DUSP29: variants seen among roughly 807,000 people sequenced by gnomAD.
DUSP29 encodes atypical dual-specific protein phosphatase.
Under a neutral mutation model 13.5 loss-of-function variants are expected in DUSP29, and 12 were observed. The observed-to-expected ratio is 0.89, with a 90% CI of 0.57 to 1.44. The LOEUF is 1.44. DUSP29 is among the 40% of genes most tolerant of loss of function. The probability of loss-of-function intolerance (pLI) is 0.00; values close to 1 mark genes in which losing one functional copy is unlikely to be tolerated. For missense variants in DUSP29, 308 were observed against 301.1 expected, an observed-to-expected ratio of 1.02 and a Z score of -0.17; for synonymous variants, 134 against 128.7, an observed-to-expected ratio of 1.04 and a Z score of -0.28.
At chr10:75,067,119 C>T (rs1206261250) in intron 1 of DUSP29, among the ~76,000 whole-genome samples, 1 of 151,702 alleles carries the variant, frequency 6.6e-6, no homozygotes, top group African/African-American at 2.4e-5. Flanking sequence ...GCCACCACAC[C>T]TGGCTAATTT....
chr10:75,064,758 C>T (rs933279806), intron 1 of DUSP29, among the ~76,000 whole-genome samples: 3 of 151,520 alleles, frequency 2.0e-5, no homozygotes, highest in Non-Finnish European at 4.4e-5. Context: ...TAATTTGACA[C>T]CATTATTTTA....
chr10:75,049,196 TA>T, intron 2 of DUSP29, among the ~76,000 whole-genome samples: 1 of 111,488 alleles, frequency 9.0e-6, no homozygotes, highest in Non-Finnish European at 1.6e-5. Context: ...ACTATGTAAA[TA>T]TAGCATGATT....
At chr10:75,060,138 C>A (rs1834976533) in intron 1 of DUSP29, among the ~76,000 whole-genome samples, 1 of 151,148 alleles carries the variant, frequency 6.6e-6, no homozygotes, top group African/African-American at 2.4e-5. Context: ...CCAGCCTGGG[C>A]AACAAGAGTG....
chr10:75,062,156 G>A (rs950618780), intron 1 of DUSP29, among the ~76,000 whole-genome samples: 31 of 152,324 alleles, frequency 2.0e-4, no homozygotes, highest in South Asian at 1.7e-3. Flanking sequence ...AAGAGCATAC[G>A]TAGTTATAGC....
At chr10:75,053,389 C>G (rs1194265289) in intron 2 of DUSP29, among the ~76,000 whole-genome samples, 2 of 152,198 alleles carry the variant, frequency 1.3e-5, no homozygotes, top group Non-Finnish European at 2.9e-5. Flanking sequence ...TTTCTCAGAT[C>G]CATAATAGCA....
chr10:75,065,801 C>G (rs1253690518), intron 1 of DUSP29, among the ~76,000 whole-genome samples: 2 of 152,276 alleles, frequency 1.3e-5, no homozygotes, highest in African/African-American at 4.8e-5. Flanking sequence ...AGGGATCCTC[C>G]CACCTCAGCC....
chr10:75,042,300 C>G (rs1846602667), intron 3 of DUSP29, among the ~76,000 whole-genome samples: 1 of 152,256 alleles, frequency 6.6e-6, no homozygotes, highest in African/African-American at 2.4e-5. Flanking sequence ...AGGCCCCTTC[C>G]ATGAAGGGTA....
At chr10:75,054,054 G>A (rs1461957073) in intron 2 of DUSP29, among the ~76,000 whole-genome samples, 1 of 152,184 alleles carries the variant, frequency 6.6e-6, no homozygotes, top group Non-Finnish European at 1.5e-5. Context: ...ATAATATACA[G>A]AGAAAAAGCT....
chr10:75,056,739 A>G (rs1846968628), intron 2 of DUSP29, among the ~76,000 whole-genome samples: 1 of 152,178 alleles, frequency 6.6e-6, no homozygotes. Flanking sequence ...CACACAAGGT[A>G]GTAGAAGTAT....
chr10:75,057,177 A>C (rs1281812530), intron 2 of DUSP29, among the ~76,000 whole-genome samples: 1 of 151,960 alleles, frequency 6.6e-6, no homozygotes, highest in Non-Finnish European at 1.5e-5. Context: ...TGGGAAGCTG[A>C]GACAGAGGAT....
intron 1 of DUSP29, among the ~76,000 whole-genome samples, chr10:75,072,889 T>C (rs1373523431): frequency 1.3e-5 from 2 of 151,868 alleles, no homozygotes; most frequent in Non-Finnish European, 2.9e-5. Context: ...CCGTCCCACT[T>C]CCTGCCCACA....
At chr10:75,069,217 C>T (rs1451643823) in intron 1 of DUSP29, among the ~76,000 whole-genome samples, 8 of 152,148 alleles carry the variant, frequency 5.3e-5, no homozygotes, top group South Asian at 2.1e-4. Flanking sequence ...GAGGGCCTCC[C>T]GGAAGCCCTG....
At chr10:75,065,711 G>A (rs1332925521) in intron 1 of DUSP29, among the ~76,000 whole-genome samples, 2 of 150,064 alleles carry the variant, frequency 1.3e-5, no homozygotes, top group Non-Finnish European at 3.0e-5. Flanking sequence ...TTTCCGTAGA[G>A]ACAGGGCCTC....
chr10:75,038,170 C>T (rs1351057418), intron 3 of DUSP29, 93 bp from the exon 4 acceptor site: 23 of 1,492,948 alleles, frequency 1.5e-5, no homozygotes, highest in Admixed American at 8.1e-5. Flanking sequence ...GTCACCCTCT[C>T]GCCCACAGAA....
chr10:75,043,518 G>A (rs946464505), intron 3 of DUSP29, among the ~76,000 whole-genome samples: 6 of 152,196 alleles, frequency 3.9e-5, no homozygotes, highest in African/African-American at 1.4e-4. Flanking sequence ...AGCACGCTGG[G>A]TGGTGCAGGT....
At chr10:75,040,615 A>C (rs1846560415) in intron 3 of DUSP29, among the ~76,000 whole-genome samples, 1 of 152,186 alleles carries the variant, frequency 6.6e-6, no homozygotes, top group Non-Finnish European at 1.5e-5. Flanking sequence ...CTTATACAGC[A>C]AAGTCACCAG....
In DUSP29 at chr10:75,037,611, C is replaced by T. The variant is rs993695364; in HGVS notation, c.*225G>A. Among the ~76,000 whole-genome samples, 13 of 152,136 alleles carry T rather than the reference C, an allele frequency of 8.5e-5. No homozygotes were observed. The highest frequency in any genetic ancestry group is 2.9e-4 in the African/African-American group (12 of 41,434). ...GGCATGCTCCTCTGTGACCCAGAGC[C>T]GGGGAGCCCGTCCCTCCCATTTTGC... On this transcript the variant is annotated 3_prime_UTR_variant, in exon 4 of 4. Transcript: ENST00000338487.
intron 2 of DUSP29, among the ~76,000 whole-genome samples, chr10:75,044,928 C>T (rs1047033283): frequency 1.5e-4 from 23 of 152,298 alleles, no homozygotes; most frequent in African/African-American, 5.5e-4. Context: ...AACAGCACCA[C>T]CTGAGGTATG....
intron 2 of DUSP29, among the ~76,000 whole-genome samples, chr10:75,054,485 T>C (rs1022146934): frequency 1.8e-4 from 27 of 152,316 alleles, no homozygotes; most frequent in Non-Finnish European, 3.5e-4. Context: ...AATGATGCTA[T>C]GTGAGAAATA....
Sources: allele counts gnomAD v4.1 joint callset (sites outside exome capture counted in the v4.1 genomes callset), GRCh38; gene constraint gnomAD v4.1.1; transcripts MANE v1.5; gene names NCBI Gene and HGNC (gene_info 2026-07-23, HGNC 2026-07-21).